The following TACC2 variants were observed in gnomAD, a reference collection of about 807,000 sequenced individuals.
TACC2 encodes transforming acidic coiled-coil containing protein 2, also known as transforming acidic coiled-coil-containing protein 2.
TACC2 carries 137 observed loss-of-function variants against 227.3 expected under a neutral mutation model. That is an observed-to-expected ratio of 0.60 (90% CI 0.52 to 0.69). The LOEUF is 0.69. Ranked by LOEUF, TACC2 falls within the 30% of genes least tolerant of loss-of-function variation. The pLI is 0.00. For synonymous variants in TACC2, 1,523 were observed against 1,487.5 expected (o/e 1.02, Z -0.55); for missense variants, 3,470 against 3,694.4 (o/e 0.94, Z 1.57).
At chr10:122,252,210 T>C (rs748633308) in intron 22 of TACC2, among the ~76,000 whole-genome samples, 1 of 152,228 alleles carries the variant, frequency 6.6e-6, no homozygotes, top group Non-Finnish European at 1.5e-5. Context: ...CAAAGCCATA[T>C]AGGAGCTGGG....
At chr10:121,999,857 G>A (rs1477934800) in intron 1 of TACC2, among the ~76,000 whole-genome samples, 3 of 152,242 alleles carry the variant, frequency 2.0e-5, no homozygotes, top group African/African-American at 7.2e-5. Flanking sequence ...GGTCAGATGG[G>A]TAGATACCAG....
In TACC2 at chr10:122,126,109, G is replaced by A. The variant is rs978299298; in HGVS notation, c.5574-6500G>A. ...TCCTTCTTCACACTCCCCACCGCCT[G>A]CCTTGGCATCCTTTGATGGCTCTTC... is the stretch of plus-strand genomic sequence containing the variant. On this transcript the variant is annotated intron_variant, in intron 5 of 22. Coordinates refer to ENST00000369005, the MANE Select transcript of TACC2 (RefSeq NM_206862.4). Among the ~76,000 whole-genome samples the A allele has an allele frequency of 6.9e-4, 105 of 152,010 alleles. 1 individual carries two copies. The highest frequency in any genetic ancestry group is 5.4e-3 in the Admixed American group (82 of 15,276).
intron 3 of TACC2, among the ~76,000 whole-genome samples, chr10:122,064,411 A>G (rs2077172595): frequency 6.6e-6 from 1 of 152,204 alleles, no homozygotes. Context: ...ACTAAAGTCT[A>G]TACAGTAAGT....
Position 122,210,911 on chromosome 10 carries a change from T to C in TACC2, c.6486T>C (p.Leu2162=), listed in dbSNP as rs778943409. 2 of 1,611,572 alleles carry C rather than the reference T, an allele frequency of 1.2e-6. No homozygotes were observed. The highest frequency in any genetic ancestry group is 1.4e-5 in the African/African-American group (1 of 73,994). ...AACAGGAGCCAGATGAAGAGAGCCTTGTCCCCAGTGGGGAGAATCTAGCAT... is the reference window on the plus strand; with the variant it reads ...AACAGGAGCCAGATGAAGAGAGCCTCGTCCCCAGTGGGGAGAATCTAGCAT... ...ETQQEPDEES[L]VPSGENLASE... Residue 2162 remains leucine, a synonymous_variant, in exon 9 of 23, where the codon CTT becomes CTC. Coordinates refer to ENST00000369005, the MANE Select transcript of TACC2 (RefSeq NM_206862.4). This position sits in a 1 kb window ranked among gnomAD's most constrained non-coding sequence, Gnocchi z 4.6.
chr10:122,226,570 C>T, intron 13 of TACC2, 89 bp downstream of exon 13: 1 of 917,408 alleles, frequency 1.1e-6, no homozygotes, highest in Non-Finnish European at 1.7e-6. Flanking sequence ...GACTTCATTT[C>T]AGTGCATAGA....
chr10:122,110,203 T>C (rs890849675), intron 5 of TACC2, among the ~76,000 whole-genome samples: 2 of 152,164 alleles, frequency 1.3e-5, no homozygotes, highest in African/African-American at 4.8e-5. Context: ...GATTCAGCCA[T>C]GGATGCAATT....
intron 7 of TACC2, among the ~76,000 whole-genome samples, chr10:122,181,682 T>C (rs1243602629): frequency 6.6e-6 from 1 of 152,244 alleles, no homozygotes; most frequent in Non-Finnish European, 1.5e-5. Flanking sequence ...AATCGTGTAA[T>C]TCGTATATTA....
chr10:122,074,156 C>T (rs1372914355), intron 3 of TACC2, among the ~76,000 whole-genome samples: 2 of 148,984 alleles, frequency 1.3e-5, no homozygotes, highest in Non-Finnish European at 3.0e-5. Flanking sequence ...TCTTGGCTCA[C>T]AGCAACCTCT....
intron 5 of TACC2, among the ~76,000 whole-genome samples, chr10:122,109,521 A>G (rs2083340464): frequency 6.6e-6 from 1 of 152,052 alleles, no homozygotes. Context: ...TCCTATTGAT[A>G]TTTTCATGTC....
At chr10:122,239,751 G>C (rs1193592599) in intron 18 of TACC2, among the ~76,000 whole-genome samples, 1 of 152,134 alleles carries the variant, frequency 6.6e-6, no homozygotes, top group African/African-American at 2.4e-5. Context: ...CCATTTACTA[G>C]CTGATGTGGT....
At chr10:122,116,292 C>T (rs1347797819) in intron 5 of TACC2, among the ~76,000 whole-genome samples, 2 of 152,150 alleles carry the variant, frequency 1.3e-5, no homozygotes, top group East Asian at 3.8e-4. Context: ...TGTCCCCATC[C>T]CTCTGTCCGC....
intron 14 of TACC2, 88 bp from the exon 15 acceptor site, chr10:122,229,258 A>G (rs560122997): frequency 4.6e-6 from 7 of 1,522,288 alleles, no homozygotes; most frequent in African/African-American, 2.8e-5. Flanking sequence ...ATGTCCAGCA[A>G]ATGGCTGCAT....
intron 2 of TACC2, among the ~76,000 whole-genome samples, chr10:122,040,226 A>T (rs957073841): frequency 3.3e-5 from 5 of 152,190 alleles, no homozygotes; most frequent in African/African-American, 1.2e-4. Flanking sequence ...ACACGGTCCA[A>T]TGGGAAGTTG....
At chr10:122,114,232 C>G (rs1255799392) in intron 5 of TACC2, among the ~76,000 whole-genome samples, 2 of 152,132 alleles carry the variant, frequency 1.3e-5, no homozygotes, top group African/African-American at 2.4e-5. Flanking sequence ...GGCTCTGTTA[C>G]CGGAGAGAAC....
intron 6 of TACC2, among the ~76,000 whole-genome samples, chr10:122,142,840 T>G (rs1199410551): frequency 2.0e-5 from 3 of 152,340 alleles, no homozygotes; most frequent in East Asian, 3.9e-4. Context: ...GTTCCCAGGC[T>G]TTAGTCTGTG....
At chr10:122,229,921 AT>A (rs1340636239) in intron 15 of TACC2, among the ~76,000 whole-genome samples, 3 of 152,200 alleles carry the variant, frequency 2.0e-5, no homozygotes, top group Non-Finnish European at 4.4e-5. Flanking sequence ...TGTGCTTTAA[AT>A]TTGACAACTT....
At chr10:122,108,402 ATG>A (rs1283051518) in intron 5 of TACC2, among the ~76,000 whole-genome samples, 3 of 86,606 alleles carry the variant, frequency 3.5e-5, no homozygotes, top group Admixed American at 1.3e-4. Context: ...CTCTCTCTCT[ATG>A]TGTGTGTGTG....
intron 7 of TACC2, among the ~76,000 whole-genome samples, chr10:122,162,859 G>T (rs746364413): frequency 7.2e-5 from 11 of 152,112 alleles, no homozygotes; most frequent in Non-Finnish European, 1.3e-4. Flanking sequence ...CCCTGTACAC[G>T]CATGCTGCAT....
chr10:122,216,938 C>G, intron 11 of TACC2, 110 bp downstream of exon 11: 1 of 1,587,746 alleles, frequency 6.3e-7, no homozygotes, highest in South Asian at 1.1e-5. Context: ...ACGTGATCAT[C>G]ATTGTGAGAT....
Sources: gnomAD v4.1 joint callset for allele counts (sites outside exome capture counted in the v4.1 genomes callset) on GRCh38, gnomAD v4.1.1 for gene constraint, Gnocchi (gnomAD v3.1) non-coding constraint, MANE v1.5 for transcripts, NCBI Gene and HGNC (gene_info 2026-07-23, HGNC 2026-07-21) for gene names.